CNTN5: variants seen among roughly 807,000 people sequenced by gnomAD.
The protein encoded by CNTN5 is contactin-5.
In CNTN5, 77 loss-of-function variants were observed where a neutral mutation model predicts 129.1. That is an observed-to-expected ratio of 0.60 (90% confidence interval 0.50 to 0.72). The LOEUF (loss-of-function observed/expected upper bound fraction) is 0.72. CNTN5 is among the 30% of genes least tolerant of loss of function. The probability of loss-of-function intolerance (pLI) is 0.00; values close to 1 mark genes in which losing one functional copy is unlikely to be tolerated. For missense variants in CNTN5, 1,478 were observed against 1,328.8 expected (o/e 1.11, Z -1.75); for synonymous variants, 509 against 465.6 (o/e 1.09, Z -1.20).
chr11:100,001,355 A>G (rs930839681), intron 8 of CNTN5, among the ~76,000 whole-genome samples: 1 of 152,182 alleles, frequency 6.6e-6, no homozygotes, highest in Non-Finnish European at 1.5e-5. Flanking sequence ...TCCATGATCC[A>G]GTCACCTCCT....
chr11:100,156,782 C>T (rs1056667361), intron 13 of CNTN5, among the ~76,000 whole-genome samples: 4 of 151,984 alleles, frequency 2.6e-5, no homozygotes, highest in African/African-American at 4.8e-5. Flanking sequence ...AGCTTATTTG[C>T]CTAGAGGTAT....
chr11:99,820,446 T>C (rs1444519657), intron 4 of CNTN5, among the ~76,000 whole-genome samples: 4 of 152,306 alleles, frequency 2.6e-5, no homozygotes, highest in Admixed American at 6.5e-5. Context: ...AAAATCTATA[T>C]ATCCAACACT....
intron 3 of CNTN5, among the ~76,000 whole-genome samples, chr11:99,663,512 A>C (rs1050380931): frequency 6.6e-6 from 1 of 152,130 alleles, no homozygotes; most frequent in Non-Finnish European, 1.5e-5. Flanking sequence ...AAGACACGTT[A>C]AATGAATTTA....
intron 1 of CNTN5, among the ~76,000 whole-genome samples, chr11:99,307,288 A>ATT (rs575617274): frequency 4.2e-4 from 64 of 151,406 alleles, no homozygotes; most frequent in African/African-American, 1.5e-3. Context: ...GTCTCACAGT[A>ATT]TTTTTTTTTC....
chr11:100,255,700 T>G, intron 16 of CNTN5, 60 bp from the exon 17 acceptor site: 1 of 1,451,818 alleles, frequency 6.9e-7, no homozygotes, highest in Non-Finnish European at 9.5e-7. Context: ...GGAAATATAA[T>G]TTCTCATGGC....
chr11:99,036,949 T>C (rs970273784), intron 1 of CNTN5, among the ~76,000 whole-genome samples: 8 of 152,116 alleles, frequency 5.3e-5, no homozygotes, highest in Non-Finnish European at 2.9e-5. Context: ...CAGCAAGAGG[T>C]CAATCTAAAA....
At chr11:99,636,372 C>CT (rs34491473) in intron 3 of CNTN5, among the ~76,000 whole-genome samples, 7 of 113,928 alleles carry the variant, frequency 6.1e-5, no homozygotes, top group African/African-American at 1.5e-4. Context: ...CAAATGAGTT[C>CT]TTTTTTTTTT....
intron 6 of CNTN5, among the ~76,000 whole-genome samples, chr11:99,859,591 G>A (rs1948145535): frequency 6.6e-6 from 1 of 152,186 alleles, no homozygotes; most frequent in Non-Finnish European, 1.5e-5. Context: ...TTACAGGTGA[G>A]AACGTGTGGT....
At chr11:100,164,385 TATTAAAAGAG>T (rs1469943015) in intron 13 of CNTN5, among the ~76,000 whole-genome samples, 2 of 151,792 alleles carry the variant, frequency 1.3e-5, no homozygotes, top group African/African-American at 4.8e-5. Context: ...AATACAATCT[TATTAAAAGAG>T]ATAGCTATAT....
At chr11:99,067,569 A>G (rs1285615759) in intron 1 of CNTN5, among the ~76,000 whole-genome samples, 1 of 152,162 alleles carries the variant, frequency 6.6e-6, no homozygotes, top group Non-Finnish European at 1.5e-5. Context: ...GTAAGAATAA[A>G]TGGTATGGGA....
intron 3 of CNTN5, among the ~76,000 whole-genome samples, chr11:99,587,288 T>A (rs12270513): frequency 0.032 from 4,912 of 152,276 alleles, 184 homozygotes; most frequent in African/African-American, 0.082. Flanking sequence ...AAGCTCTATT[T>A]GCTACCATTA....
chr11:99,171,166 A>G (rs572886429), intron 1 of CNTN5, among the ~76,000 whole-genome samples: 2 of 152,216 alleles, frequency 1.3e-5, no homozygotes, highest in South Asian at 4.1e-4. Flanking sequence ...TTTGTACTTT[A>G]TACTTGAATG....
chr11:99,109,866 T>G (rs1156244591), intron 1 of CNTN5, among the ~76,000 whole-genome samples: 1 of 152,126 alleles, frequency 6.6e-6, no homozygotes, highest in Non-Finnish European at 1.5e-5. Context: ...AACATTAGAT[T>G]CAACTTATAA....
At chr11:99,427,152 A>G (rs1164564614) in intron 2 of CNTN5, among the ~76,000 whole-genome samples, 1 of 152,234 alleles carries the variant, frequency 6.6e-6, no homozygotes, top group Admixed American at 6.5e-5. Context: ...TGAAAAGAGT[A>G]CATGAATTAT....
At chr11:100,015,053 T>C (rs1940750643) in intron 9 of CNTN5, among the ~76,000 whole-genome samples, 1 of 152,176 alleles carries the variant, frequency 6.6e-6, no homozygotes, top group Non-Finnish European at 1.5e-5. Flanking sequence ...TAAATGTCTC[T>C]TAAATTGATT....
chr11:99,316,108 G>A (rs943591045), intron 1 of CNTN5, among the ~76,000 whole-genome samples: 1 of 152,046 alleles, frequency 6.6e-6, no homozygotes, highest in Non-Finnish European at 1.5e-5. Flanking sequence ...TTATGAACGC[G>A]GGTAGCAGAT....
Position 99,547,341 on chromosome 11 carries a change from A to G in CNTN5, c.-70-8804A>G, listed in dbSNP as rs1423478811. 2.0e-5 allele frequency among the ~76,000 whole-genome samples: 3 copies of G among 152,288 alleles called. No homozygotes were observed. The East Asian group carries it at 5.8e-4, about 29-fold the overall frequency. ...CATTAGCTGAGCTATAAATGTTTGAAGTGGAGCAGTGGAAGGTATGTGGGC... is the reference window on the plus strand; with the variant it reads ...CATTAGCTGAGCTATAAATGTTTGAGGTGGAGCAGTGGAAGGTATGTGGGC... On this transcript the variant is annotated intron_variant, in intron 2 of 24. Coordinates refer to ENST00000524871, the MANE Select transcript of CNTN5 (RefSeq NM_014361.4).
intron 3 of CNTN5, among the ~76,000 whole-genome samples, chr11:99,784,887 C>T (rs568798256): frequency 4.2e-4 from 64 of 150,712 alleles, no homozygotes; most frequent in African/African-American, 1.6e-3. Flanking sequence ...GCAACCTCCG[C>T]CTCCCAGGTT....
chr11:99,547,044 T>C (rs10790792), intron 2 of CNTN5, among the ~76,000 whole-genome samples: 104,233 of 146,864 alleles, frequency 0.71, 37,440 homozygotes, highest in East Asian at 0.98. Flanking sequence ...GCCCTTGTTG[T>C]CCAGGCTGGA....
Sources: gnomAD v4.1 joint callset for allele counts (sites outside exome capture counted in the v4.1 genomes callset) on GRCh38, gnomAD v4.1.1 for gene constraint, MANE v1.5 for transcripts, NCBI Gene and HGNC (gene_info 2026-07-23, HGNC 2026-07-21) for gene names.